Variants in FIG4 observed in about 807,000 individuals in gnomAD.
The protein encoded by FIG4 is polyphosphoinositide phosphatase.
Under a neutral mutation model 118.6 loss-of-function variants are expected in FIG4, and 112 were observed. The ratio of observed to expected loss-of-function variants is 0.94; its 90% CI spans 0.81 to 1.11. FIG4 has a LOEUF of 1.11. Among genes scored for constraint, FIG4 ranks in the 50% least tolerant of loss-of-function variants. The probability of loss-of-function intolerance (pLI) is 0.00; values close to 1 mark genes in which losing one functional copy is unlikely to be tolerated. For missense variants in FIG4, 969 were observed against 1,111.7 expected (o/e 0.87, Z 1.83); for synonymous variants, 369 against 381.2 (o/e 0.97, Z 0.37).
chr6:109,747,938 A>G (rs1053473111), intron 10 of FIG4, among the ~76,000 whole-genome samples: 3 of 152,126 alleles, frequency 2.0e-5, no homozygotes, highest in Non-Finnish European at 4.4e-5. Flanking sequence ...GTCATGAACC[A>G]TGGCGCCTGG....
At chr6:109,695,601 G>GACACACACAC (rs202167631) in intron 1 of FIG4, among the ~76,000 whole-genome samples, 168 of 99,342 alleles carry the variant, frequency 1.7e-3, no homozygotes, top group African/African-American at 5.6e-3. Context: ...CACACACACA[G>GACACACACAC]ACACACACAC....
At chr6:109,778,482 AAG>A (rs1491520489) in intron 16 of FIG4, among the ~76,000 whole-genome samples, 1 of 151,048 alleles carries the variant, frequency 6.6e-6, no homozygotes, top group African/African-American at 2.4e-5. Flanking sequence ...AAAAAAAAAA[AAG>A]GATACCTACC....
At chr6:109,790,206 C>T (rs1396181824) in intron 19 of FIG4, among the ~76,000 whole-genome samples, 2 of 152,154 alleles carry the variant, frequency 1.3e-5, no homozygotes, top group East Asian at 3.9e-4. Flanking sequence ...TTCCACTGAC[C>T]TGCCTAGTCT....
At chr6:109,811,956 TC>T (rs1778731625) in intron 22 of FIG4, among the ~76,000 whole-genome samples, 1 of 152,130 alleles carries the variant, frequency 6.6e-6, no homozygotes, top group African/African-American at 2.4e-5. Context: ...AGGCTTTGTG[TC>T]CCTGCTCAAA....
chr6:109,765,448 C>T (rs1049730486), intron 14 of FIG4, among the ~76,000 whole-genome samples: 3 of 151,884 alleles, frequency 2.0e-5, no homozygotes, highest in Non-Finnish European at 2.9e-5. Context: ...TTCCCAGCAC[C>T]CATTTGTTGA....
chr6:109,695,695 C>T (rs1451764363), intron 1 of FIG4, among the ~76,000 whole-genome samples: 1 of 152,082 alleles, frequency 6.6e-6, no homozygotes, highest in East Asian at 1.9e-4. Context: ...TGTTGGTAGC[C>T]ATTGCTTTGG....
intron 1 of FIG4, among the ~76,000 whole-genome samples, chr6:109,710,214 A>G (rs1040897818): frequency 6.6e-6 from 1 of 152,160 alleles, no homozygotes; most frequent in Non-Finnish European, 1.5e-5. Context: ...TGAGATAATC[A>G]TGTGATTTTT....
At chr6:109,795,365 C>T (rs1562689022) in intron 21 of FIG4, among the ~76,000 whole-genome samples, 1 of 151,808 alleles carries the variant, frequency 6.6e-6, no homozygotes, top group African/African-American at 2.4e-5. Flanking sequence ...AATGGATCAA[C>T]ATTTTTTACT....
At chr6:109,792,738 T>A in intron 21 of FIG4, 74 bp downstream of exon 21, 51 of 46,302 alleles carry the variant, frequency 1.1e-3, no homozygotes, top group Non-Finnish European at 1.5e-3. Context: ...TACTATACCT[T>A]TTTTTTTTTT....
At chr6:109,722,785 A>C (rs1272094870) in intron 3 of FIG4, among the ~76,000 whole-genome samples, 1 of 152,000 alleles carries the variant, frequency 6.6e-6, no homozygotes, top group Non-Finnish European at 1.5e-5. Flanking sequence ...TAGAGCCTCT[A>C]CCCTGTGAGT....
chr6:109,810,879 A>G (rs1778701012), intron 22 of FIG4, among the ~76,000 whole-genome samples: 1 of 152,222 alleles, frequency 6.6e-6, no homozygotes, highest in African/African-American at 2.4e-5. Context: ...CAGTTCCCTC[A>G]GTATCAGAAA....
intron 1 of FIG4, among the ~76,000 whole-genome samples, chr6:109,708,558 T>A (rs936033813): frequency 6.6e-6 from 1 of 152,242 alleles, no homozygotes; most frequent in Non-Finnish European, 1.5e-5. Flanking sequence ...TCTTCTACAA[T>A]GGTTCAACTA....
chr6:109,822,706 T>C (rs991979890), intron 22 of FIG4, among the ~76,000 whole-genome samples: 1 of 150,664 alleles, frequency 6.6e-6, no homozygotes, highest in African/African-American at 2.4e-5. Context: ...GAATGACCAT[T>C]ATAAAAGTTC....
At chr6:109,700,429 A>G (rs1774871636) in intron 1 of FIG4, among the ~76,000 whole-genome samples, 1 of 152,238 alleles carries the variant, frequency 6.6e-6, no homozygotes, top group Non-Finnish European at 1.5e-5. Context: ...AAGTTTGAAT[A>G]TGAAAAAATG....
At chr6:109,768,502 C>T (rs1414304071) in intron 15 of FIG4, among the ~76,000 whole-genome samples, 1 of 152,176 alleles carries the variant, frequency 6.6e-6, no homozygotes, top group Admixed American at 6.5e-5. Flanking sequence ...TGCATTATCT[C>T]ACAATTTCTG....
intron 16 of FIG4, among the ~76,000 whole-genome samples, chr6:109,780,699 A>G (rs1397319332): frequency 7.9e-5 from 12 of 152,182 alleles, no homozygotes; most frequent in Non-Finnish European, 1.3e-4. Context: ...GTGTTTATCA[A>G]TGATACAGGA....
intron 15 of FIG4, among the ~76,000 whole-genome samples, chr6:109,774,850 A>G (rs4947020): frequency 0.81 from 122,526 of 151,890 alleles, 49,743 homozygotes; most frequent in African/African-American, 0.92. Context: ...TGTCCCTTCC[A>G]CCCCCACCCC....
At chr6:109,781,755 C>G (rs1313169193) in intron 16 of FIG4, among the ~76,000 whole-genome samples, 1 of 147,452 alleles carries the variant, frequency 6.8e-6, no homozygotes, top group African/African-American at 2.4e-5. Flanking sequence ...ATGAATACTT[C>G]TAGCTTTATA....
Position 109,796,853 on chromosome 6 carries a change from T to G in FIG4, c.2546+2T>G. 1 of 1,526,680 alleles carries G rather than the reference T, an allele frequency of 6.6e-7. No individual in the cohort carries two copies. The highest frequency in any genetic ancestry group is 1.1e-5 in the South Asian group (1 of 89,270). 94.6% of individuals were successfully genotyped at this position (1,526,680 alleles called of 1,614,324 possible). Reference sequence around the variant, plus strand: ...GTGCTCAGATGGAGTTATAAAACTGTAAGTACTAGATTAGATCTTTAAAGA... The same window carrying G: ...GTGCTCAGATGGAGTTATAAAACTGGAAGTACTAGATTAGATCTTTAAAGA... On this transcript the variant is annotated splice_donor_variant, in intron 22 of 22. Transcript: ENST00000230124. LOFTEE classifies it high-confidence loss of function.
Sources: gnomAD v4.1 joint callset for allele counts (sites outside exome capture counted in the v4.1 genomes callset) on GRCh38, gnomAD v4.1.1 for gene constraint, MANE v1.5 for transcripts, NCBI Gene and HGNC (gene_info 2026-07-23, HGNC 2026-07-21) for gene names.